The following ASCC3 variants were observed in gnomAD, a reference collection of about 807,000 sequenced individuals.
The protein encoded by ASCC3 is activating signal cointegrator 1 complex subunit 3, also known as ASC-1 complex subunit P200.
A neutral mutation model predicts 256.3 loss-of-function variants in ASCC3; 158 were observed. The observed-to-expected ratio is 0.62, with a 90% CI of 0.54 to 0.70. The LOEUF (loss-of-function observed/expected upper bound fraction) is 0.70, where lower values mean the gene tolerates loss of function less well. ASCC3 is among the 30% of genes least tolerant of loss of function. ASCC3 has a pLI of 0.00. For synonymous variants in ASCC3, 948 were observed against 883.4 expected (o/e 1.07, Z -1.30); for missense variants, 2,259 against 2,626.0 (o/e 0.86, Z 3.05).
intron 16 of ASCC3, among the ~76,000 whole-genome samples, chr6:100,659,355 A>G (rs1776076120): frequency 6.6e-6 from 1 of 151,478 alleles, no homozygotes; most frequent in Non-Finnish European, 1.5e-5. Context: ...ATAATTTAAG[A>G]GTTTGTTTCC....
intron 13 of ASCC3, among the ~76,000 whole-genome samples, chr6:100,708,025 T>A (rs972915238): frequency 3.9e-5 from 6 of 152,102 alleles, no homozygotes; most frequent in African/African-American, 1.4e-4. Context: ...TAACTCAAAT[T>A]ATATGTATTC....
chr6:100,530,343 A>G (rs1050601909), intron 37 of ASCC3: 12 of 1,387,470 alleles, frequency 8.6e-6, no homozygotes, highest in African/African-American at 8.6e-5. Flanking sequence ...CAATCTAGTG[A>G]AAAAAACCGC....
chr6:100,612,333 A>G (rs1224029207), intron 30 of ASCC3, among the ~76,000 whole-genome samples: 1 of 152,010 alleles, frequency 6.6e-6, no homozygotes, highest in African/African-American at 2.4e-5. Context: ...GTGCAGCCCA[A>G]TTCTGTCCTT....
chr6:100,552,836 ATAT>A (rs987806396), intron 36 of ASCC3, among the ~76,000 whole-genome samples: 5 of 151,986 alleles, frequency 3.3e-5, no homozygotes, highest in African/African-American at 4.8e-5. Context: ...AAGATAGAAA[ATAT>A]TATATATTTT....
At chr6:100,836,393 T>A (rs1771876419) in intron 4 of ASCC3, among the ~76,000 whole-genome samples, 1 of 152,114 alleles carries the variant, frequency 6.6e-6, no homozygotes, top group Non-Finnish European at 1.5e-5. Flanking sequence ...TGTCATATAT[T>A]AGCTATGTTA....
intron 30 of ASCC3, among the ~76,000 whole-genome samples, chr6:100,609,934 G>A (rs1265842193): frequency 6.6e-6 from 1 of 152,030 alleles, no homozygotes; most frequent in Non-Finnish European, 1.5e-5. Context: ...AAAAAAGAAA[G>A]TCCAGTTTCT....
intron 36 of ASCC3, among the ~76,000 whole-genome samples, chr6:100,585,133 C>G (rs1004423759): frequency 6.6e-6 from 1 of 152,154 alleles, no homozygotes; most frequent in African/African-American, 2.4e-5. Flanking sequence ...GCCTGCCTTG[C>G]TAGATTGGGG....
At position 100,601,803 on chromosome 6, in the gene ASCC3, C is replaced by T. The variant is rs750792221; in HGVS notation, c.5303+7G>A. On this transcript the variant is annotated splice_region_variant and intron_variant, in intron 34 of 41. Coordinates refer to ENST00000369162, the MANE Select transcript of ASCC3 (RefSeq NM_006828.4). ...ACAGAAAGGTATATAACTGCCCTTG[C>T]ACTTACCTGGGATTCATGATAAGAC... 2 of 1,611,734 alleles carry T rather than the reference C, an allele frequency of 1.2e-6. No individual in the cohort carries two copies. The highest frequency in any genetic ancestry group is 1.7e-6 in the Non-Finnish European group (2 of 1,178,370).
chr6:100,760,300 T>C (rs530874392), intron 10 of ASCC3, among the ~76,000 whole-genome samples: 40 of 152,264 alleles, frequency 2.6e-4, no homozygotes, highest in African/African-American at 9.4e-4. Flanking sequence ...TGATAAATAG[T>C]TCTTATTATT....
intron 29 of ASCC3, 57 bp from the exon 30 acceptor site, chr6:100,625,391 T>C: frequency 1.3e-6 from 2 of 1,572,538 alleles, no homozygotes; most frequent in Non-Finnish European, 8.7e-7. Flanking sequence ...GAATATGAAT[T>C]TCATTAGGAT....
rs2115132069 is a variant in ASCC3, at chr6:100,767,285, C to T, written c.1456G>A (p.Glu486Lys). The T allele has an allele frequency of 6.2e-7, 1 of 1,613,990 alleles. No individual in the cohort carries two copies. Among genetic ancestry groups the T allele is most frequent in the Non-Finnish European group, 8.5e-7 (1 of 1,180,004 alleles). ...TTCTCATTGGTGTTGTAGGCAGTCT[C>T]AAACACTATTGACTGGATTCTATTG... ...RLNRIQSIVFETAYNTNENML... is the reference protein window; with the variant it reads ...RLNRIQSIVFKTAYNTNENML... Residue 486 changes from glutamate (E) to lysine (K), a missense_variant, in exon 9 of 42, where the codon GAG (glutamate) becomes AAG (lysine). Glu to Lys is a moderately conservative substitution (Grantham distance 56). Transcript: ENST00000369162.
chr6:100,727,416 T>C (rs1779685502), intron 10 of ASCC3, among the ~76,000 whole-genome samples: 1 of 152,036 alleles, frequency 6.6e-6, no homozygotes, highest in South Asian at 2.1e-4. Flanking sequence ...AAATCTCTCG[T>C]GTAATAAAGC....
In ASCC3 at chr6:100,767,364, A is replaced by T; in HGVS notation, c.1396-19T>A. 2 of 1,604,926 alleles carry T rather than the reference A, an allele frequency of 1.2e-6. No individual in the cohort carries two copies. The highest frequency in any genetic ancestry group is 1.7e-6 in the Non-Finnish European group (2 of 1,172,916). ...GTCCGATCTAAAAAAAAAAGGCATC[A>T]CCCATTATAAATAGTAACAATGTGA... On this transcript the variant is annotated intron_variant, in intron 8 of 41. Transcript: ENST00000369162.
Position 100,601,902 on chromosome 6 carries a change from T to C in ASCC3, c.5211A>G (p.Ala1737=). 1 of 1,612,440 alleles carries C rather than the reference T, an allele frequency of 6.2e-7. No homozygotes were observed. ...ATGTAATTGTACCACCAGCAATCTC[T>C]GCATTTAAGTGGTCAGAGAGCACTC... The part of the protein sequence containing the change: ...LLGVLSDHLN[A]EIAGGTITSK... The change falls in exon 34 of 42, where the codon GCA becomes GCG. Residue 1737 remains alanine, a synonymous_variant. Transcript: ENST00000369162.
At chr6:100,569,175 T>C (rs951184390) in intron 36 of ASCC3, among the ~76,000 whole-genome samples, 8 of 152,060 alleles carry the variant, frequency 5.3e-5, no homozygotes, top group Non-Finnish European at 8.8e-5. Context: ...AAGGTAGGAG[T>C]CCAGTGTCAT....
At chr6:100,844,927 G>C (rs1348666755) in intron 4 of ASCC3, among the ~76,000 whole-genome samples, 1 of 152,104 alleles carries the variant, frequency 6.6e-6, no homozygotes, top group Non-Finnish European at 1.5e-5. Flanking sequence ...TGCTTTCTAT[G>C]TAATAAATTC....
intron 10 of ASCC3, among the ~76,000 whole-genome samples, chr6:100,742,504 C>T (rs1389314039): frequency 6.6e-6 from 1 of 151,684 alleles, no homozygotes; most frequent in African/African-American, 2.4e-5. Context: ...TGGCAGCTGC[C>T]CCTAACTGCA....
intron 34 of ASCC3, 140 bp downstream of exon 34, chr6:100,601,670 G>T: frequency 1.1e-6 from 1 of 917,832 alleles, no homozygotes; most frequent in Non-Finnish European, 1.6e-6. Context: ...GATATCATCT[G>T]ATTCTTTAGA....
intron 20 of ASCC3, among the ~76,000 whole-genome samples, chr6:100,648,202 T>A (rs1775482482): frequency 6.6e-6 from 1 of 152,104 alleles, no homozygotes. Context: ...ACTTTATTAA[T>A]AGACATATAG....
Sources: gnomAD v4.1 joint callset for allele counts (sites outside exome capture counted in the v4.1 genomes callset) on GRCh38, gnomAD v4.1.1 for gene constraint, MANE v1.5 for transcripts, NCBI Gene and HGNC (gene_info 2026-07-23, HGNC 2026-07-21) for gene names.